Variants in OTUD7A observed in about 807,000 individuals in gnomAD.
The protein encoded by OTUD7A is OTU deubiquitinase 7A.
A neutral mutation model predicts 65.7 loss-of-function variants in OTUD7A; 12 were observed. The observed-to-expected ratio is 0.18, with a 90% CI of 0.12 to 0.30. The LOEUF (loss-of-function observed/expected upper bound fraction) is 0.30. OTUD7A is among the 10% of genes least tolerant of loss of function. OTUD7A has a pLI of 1.00. For missense variants in OTUD7A, 1,148 were observed against 1,304.8 expected, an observed-to-expected ratio of 0.88 and a Z score of 1.85; for synonymous variants, 641 against 586.3, an observed-to-expected ratio of 1.09 and a Z score of -1.35.
At position 31,847,968 on chromosome 15, in the gene OTUD7A, C is replaced by T. The variant is rs548517225; in HGVS notation, c.-100+22539G>A. Among the ~76,000 whole-genome samples the T allele has an allele frequency of 1.8e-4, 28 of 152,274 alleles. No individual in the cohort carries two copies. The South Asian group carries it at 5.6e-3, about 30-fold the overall frequency. ...ATGAGAACAGCAAGAGGGAAGTCTA[C>T]CCCCATGATCCAGTCACCTCCCAGC... is the stretch of plus-strand genomic sequence containing the variant. On this transcript the variant is annotated intron_variant, in intron 1 of 12. Transcript: ENST00000307050.
At chr15:31,530,865 G>A in intron 5 of OTUD7A, 57 bp from the exon 6 acceptor site, 1 of 1,467,260 alleles carries the variant, frequency 6.8e-7, no homozygotes, top group Non-Finnish European at 9.4e-7. Context: ...GCCACTGGGG[G>A]TGTTTGCTAA....
intron 3 of OTUD7A, among the ~76,000 whole-genome samples, chr15:31,646,673 C>A (rs1189458969): frequency 9.9e-5 from 15 of 152,020 alleles, no homozygotes; most frequent in Admixed American, 3.9e-4. Context: ...GTTGGTCAGG[C>A]TGGCCTCGAA....
intron 1 of OTUD7A, among the ~76,000 whole-genome samples, chr15:31,663,434 TC>T (rs1206096522): frequency 2.2e-5 from 3 of 135,838 alleles, no homozygotes; most frequent in African/African-American, 2.7e-5. Context: ...ATGCTCACCA[TC>T]CCCCCCACCC....
intron 1 of OTUD7A, among the ~76,000 whole-genome samples, chr15:31,713,823 T>C (rs1429010072): frequency 6.6e-6 from 1 of 151,688 alleles, no homozygotes; most frequent in Non-Finnish European, 1.5e-5. Flanking sequence ...AATAGCAAAA[T>C]GGAAATATAC....
At chr15:31,830,783 T>C (rs1264368913) in intron 1 of OTUD7A, among the ~76,000 whole-genome samples, 1 of 152,212 alleles carries the variant, frequency 6.6e-6, no homozygotes, top group Non-Finnish European at 1.5e-5. Flanking sequence ...TTGTCAGAAT[T>C]TTCTTAGTCA....
At chr15:31,751,400 A>G (rs1345317011) in intron 1 of OTUD7A, among the ~76,000 whole-genome samples, 1 of 152,198 alleles carries the variant, frequency 6.6e-6, no homozygotes, top group Non-Finnish European at 1.5e-5. Context: ...GGCCATTATT[A>G]AAAATCCAAA....
intron 1 of OTUD7A, chr15:31,766,392 A>G: frequency 7.6e-6 from 12 of 1,586,178 alleles, no homozygotes; most frequent in Non-Finnish European, 1.0e-5. Context: ...ATCGATGGCA[A>G]CCCTCTCTAA....
At chr15:31,805,933 A>C (rs1480575060) in intron 1 of OTUD7A, among the ~76,000 whole-genome samples, 1 of 152,264 alleles carries the variant, frequency 6.6e-6, no homozygotes, top group East Asian at 1.9e-4. Flanking sequence ...GTGGTTTTGC[A>C]AAACATCCAC....
intron 3 of OTUD7A, among the ~76,000 whole-genome samples, chr15:31,591,684 C>G (rs374983936): frequency 6.6e-6 from 1 of 152,186 alleles, no homozygotes; most frequent in African/African-American, 2.4e-5. Flanking sequence ...CTCTCTCCCC[C>G]ACTCTCTCTA....
chr15:31,835,038 G>GA (rs1292023642), intron 1 of OTUD7A, among the ~76,000 whole-genome samples: 1 of 152,168 alleles, frequency 6.6e-6, no homozygotes, highest in African/African-American at 2.4e-5. Context: ...AGCACCAGTG[G>GA]AAAAAATTAA....
At chr15:31,554,885 G>T (rs1888440818) in intron 5 of OTUD7A, among the ~76,000 whole-genome samples, 1 of 152,210 alleles carries the variant, frequency 6.6e-6, no homozygotes, top group African/African-American at 2.4e-5. Flanking sequence ...TTCCTCTCAG[G>T]AGGTCAGCTG....
chr15:31,608,666 T>C (rs1181059227), intron 3 of OTUD7A, among the ~76,000 whole-genome samples: 2 of 152,190 alleles, frequency 1.3e-5, no homozygotes, highest in East Asian at 1.9e-4. Flanking sequence ...CATAAGTCAG[T>C]GACCAGCTGT....
At chr15:31,689,020 G>C (rs530552554) in intron 1 of OTUD7A, among the ~76,000 whole-genome samples, 1 of 150,772 alleles carries the variant, frequency 6.6e-6, no homozygotes, top group African/African-American at 2.4e-5. Flanking sequence ...AGTGTGTTAA[G>C]ATAATGGCAC....
chr15:31,864,115 C>T (rs1394574529), intron 1 of OTUD7A, among the ~76,000 whole-genome samples: 2 of 152,200 alleles, frequency 1.3e-5, no homozygotes, highest in African/African-American at 2.4e-5. Flanking sequence ...TCTGAGACCA[C>T]CTTGGCCTGG....
chr15:31,513,030 A>G (rs920669067), intron 8 of OTUD7A, among the ~76,000 whole-genome samples: 6 of 152,206 alleles, frequency 3.9e-5, no homozygotes, highest in Non-Finnish European at 8.8e-5. Flanking sequence ...CACCATGCCC[A>G]GCTAATTTTT....
At chr15:31,585,391 C>A (rs1186784783) in intron 3 of OTUD7A, among the ~76,000 whole-genome samples, 1 of 152,230 alleles carries the variant, frequency 6.6e-6, no homozygotes, top group Non-Finnish European at 1.5e-5. Flanking sequence ...CAGAAACAGA[C>A]AGCTTCTGGC....
intron 3 of OTUD7A, among the ~76,000 whole-genome samples, chr15:31,591,833 A>G (rs1351260310): frequency 1.3e-5 from 2 of 152,226 alleles, no homozygotes; most frequent in African/African-American, 2.4e-5. Flanking sequence ...GCGAACGAAC[A>G]TCACCAAGGC....
chr15:31,488,987 G>T (rs1425766509), intron 10 of OTUD7A, among the ~76,000 whole-genome samples: 2 of 152,204 alleles, frequency 1.3e-5, no homozygotes, highest in African/African-American at 4.8e-5. Flanking sequence ...AGCCTGCTGG[G>T]TTCTGCCTTG....
chr15:31,713,031 A>G (rs2654053), intron 1 of OTUD7A, among the ~76,000 whole-genome samples: 4 of 151,468 alleles, frequency 2.6e-5, no homozygotes, highest in Admixed American at 1.3e-4. Context: ...AAACTTCAAT[A>G]CTGACATTCT....
Sources: allele counts gnomAD v4.1 joint callset (sites outside exome capture counted in the v4.1 genomes callset), GRCh38; gene constraint gnomAD v4.1.1; transcripts MANE v1.5; gene names NCBI Gene and HGNC (gene_info 2026-07-23, HGNC 2026-07-21).